MMP16: variants seen among roughly 807,000 people sequenced by gnomAD.
The protein encoded by MMP16 is matrix metalloproteinase-16.
MMP16 carries 12 observed loss-of-function variants against 67.8 expected under a neutral mutation model. That is an observed-to-expected ratio of 0.18 (90% CI 0.11 to 0.29). The LOEUF (loss-of-function observed/expected upper bound fraction) is 0.29. Ranked by LOEUF, MMP16 falls within the 10% of genes least tolerant of loss-of-function variation. MMP16 has a pLI of 1.00. For synonymous variants in MMP16, 249 were observed against 255.9 expected, an observed-to-expected ratio of 0.97 and a Z score of 0.26; for missense variants, 475 against 765.7, an observed-to-expected ratio of 0.62 and a Z score of 4.48.
rs530901791 is a variant in MMP16, at chr8:88,287,544, C to T, written c.132+39531G>A. On this transcript the variant is annotated intron_variant, in intron 1 of 9. Transcript: ENST00000286614. ...CAGGCCCTCGGGTTGATGCAGAAAT[C>T]ATGCCTCTTTTTGTTCATTGTTACA... Among the ~76,000 whole-genome samples the T allele has an allele frequency of 5.3e-5, 8 of 152,304 alleles. No homozygotes were observed. The East Asian group carries it at 1.3e-3, about 26-fold the overall frequency.
intron 4 of MMP16, among the ~76,000 whole-genome samples, chr8:88,120,171 C>G (rs1385734956): frequency 6.6e-6 from 1 of 151,282 alleles, no homozygotes; most frequent in Non-Finnish European, 1.5e-5. Context: ...ACATCATAGT[C>G]ATAGGAGGAA....
chr8:88,180,925 AAAG>A (rs1271211961), intron 3 of MMP16, among the ~76,000 whole-genome samples: 2 of 152,174 alleles, frequency 1.3e-5, no homozygotes, highest in Non-Finnish European at 2.9e-5. Context: ...TCAAAAGGCA[AAAG>A]AAGAAAATTC....
At chr8:88,150,808 C>T (rs1408470836) in intron 4 of MMP16, among the ~76,000 whole-genome samples, 41 of 150,682 alleles carry the variant, frequency 2.7e-4, no homozygotes, top group Admixed American at 2.4e-3. Flanking sequence ...CATCAACTAA[C>T]GAGCAAAATC....
At chr8:88,179,694 T>G (rs1263628743) in intron 3 of MMP16, among the ~76,000 whole-genome samples, 1 of 152,268 alleles carries the variant, frequency 6.6e-6, no homozygotes. Context: ...AAGAATTAAA[T>G]TAGAAACTCT....
At position 88,040,047 on chromosome 8, in the gene MMP16, T is replaced by G. The variant is rs560106042; in HGVS notation, c.*1414A>C. ...TGCAACTTCAGAGTCACCGTTTTAA[T>G]TCATTTTTAAAATGGCAATGCTAAC... On this transcript the variant is annotated 3_prime_UTR_variant, in exon 10 of 10. Transcript: ENST00000286614. 1 of 152,682 alleles carries G rather than the reference T, an allele frequency of 6.5e-6. No homozygotes were observed. The highest frequency in any genetic ancestry group is 1.5e-5 in the Non-Finnish European group (1 of 68,022). The allele number at this position is 152,682 out of a possible 1,614,324, so 9.5% of individuals were successfully genotyped here. A position where few individuals can be genotyped will look rare whatever the true frequency, so the allele number is the denominator to read the frequency against.
At chr8:88,122,544 A>C (rs1289200783) in intron 4 of MMP16, among the ~76,000 whole-genome samples, 1 of 151,990 alleles carries the variant, frequency 6.6e-6, no homozygotes, top group Non-Finnish European at 1.5e-5. Context: ...ATATATAAAT[A>C]CTTAAAATAG....
Position 88,327,150 on chromosome 8 carries a change from C to A in MMP16, c.57G>T (p.Gly19=), listed in dbSNP as rs1463663060. The A allele has an allele frequency of 1.9e-6, 3 of 1,613,964 alleles. No homozygotes were observed. In the African/African-American group the frequency reaches 4.0e-5, roughly 22 times the overall value. ...AAAGCAAGGTTTGCAAGAAAAACAC[C>A]CCCGAATGATGCACGAAATCCAACC... ...GRRLDFVHHS[G]VFFLQTLLWI... Residue 19 remains glycine (G), a synonymous_variant, in exon 1 of 10, where the codon GGG becomes GGT. Transcript: ENST00000286614.
intron 1 of MMP16, among the ~76,000 whole-genome samples, chr8:88,312,329 T>C (rs1360698668): frequency 1.3e-5 from 2 of 152,202 alleles, no homozygotes; most frequent in Non-Finnish European, 2.9e-5. Flanking sequence ...TAGTGTCATA[T>C]AGAAGACTGA....
At chr8:88,097,995 A>G (rs1809059149) in intron 6 of MMP16, among the ~76,000 whole-genome samples, 1 of 151,924 alleles carries the variant, frequency 6.6e-6, no homozygotes, top group African/African-American at 2.4e-5. Context: ...GTCCAACTAG[A>G]GTCAGAGGGA....
At chr8:88,217,338 T>C (rs1450673982) in intron 1 of MMP16, among the ~76,000 whole-genome samples, 2 of 152,156 alleles carry the variant, frequency 1.3e-5, no homozygotes, top group African/African-American at 2.4e-5. Flanking sequence ...TGTTTCTATC[T>C]GCCTGTATAC....
chr8:88,056,051 CCT>C, intron 8 of MMP16, 75 bp downstream of exon 8: 1 of 1,160,070 alleles, frequency 8.6e-7, no homozygotes, highest in East Asian at 2.9e-5. Flanking sequence ...ACAGCTGATG[CCT>C]CTGATAGACT....
intron 3 of MMP16, among the ~76,000 whole-genome samples, chr8:88,170,273 A>C (rs143196110): frequency 1.3e-3 from 191 of 152,256 alleles, no homozygotes; most frequent in Non-Finnish European, 1.4e-3. Context: ...TTGTTTTGTT[A>C]GTTTGTTTTA....
At chr8:88,257,302 A>G (rs1810319061) in intron 1 of MMP16, among the ~76,000 whole-genome samples, 1 of 152,224 alleles carries the variant, frequency 6.6e-6, no homozygotes, top group Admixed American at 6.5e-5. Flanking sequence ...ACATATGGAC[A>G]ATGCACTTTA....
chr8:88,071,307 A>G (rs1290315350), intron 7 of MMP16, among the ~76,000 whole-genome samples: 1 of 152,142 alleles, frequency 6.6e-6, no homozygotes, highest in Non-Finnish European at 1.5e-5. Flanking sequence ...CACATCTTCA[A>G]ATTCTTATGT....
intron 4 of MMP16, among the ~76,000 whole-genome samples, chr8:88,148,487 G>A (rs1808333563): frequency 6.6e-6 from 1 of 152,122 alleles, no homozygotes; most frequent in Admixed American, 6.5e-5. Flanking sequence ...GCTTATGCAG[G>A]GAGCTGTGTA....
In MMP16 at chr8:88,058,150, A is replaced by G. The variant is rs1156348291; in HGVS notation, c.1223-1872T>C. 6.6e-6 allele frequency among the ~76,000 whole-genome samples: 1 copy of G among 152,172 alleles called. No homozygotes were observed. The highest frequency in any genetic ancestry group is 2.4e-5 in the African/African-American group (1 of 41,460). On this transcript the variant is annotated intron_variant, in intron 7 of 9. Transcript: ENST00000286614. This position sits in a 1 kb window ranked among gnomAD's most constrained non-coding sequence, Gnocchi z 4.2. Reference sequence around the variant, plus strand: ...GGGATGATCAACAAATTGAAAGAAGATCAGTAATTTGTAATAAGCAAGTAT... The same window carrying G: ...GGGATGATCAACAAATTGAAAGAAGGTCAGTAATTTGTAATAAGCAAGTAT...
intron 4 of MMP16, among the ~76,000 whole-genome samples, chr8:88,159,280 G>C (rs1389796984): frequency 6.6e-6 from 1 of 152,136 alleles, no homozygotes; most frequent in Non-Finnish European, 1.5e-5. Flanking sequence ...TCACAATATT[G>C]ATTCTTCCTA....
rs184209258 is a variant in MMP16 at position 88,223,393 on chromosome 8, C to T, written c.133-26087G>A. On this transcript the variant is annotated intron_variant, in intron 1 of 9. Transcript: ENST00000286614. Reference sequence around the variant, plus strand: ...ATGCTACTATAAAGACACATGCACACGTATGTTTATTGTGTCACTATTCAC... The same window carrying T: ...ATGCTACTATAAAGACACATGCACATGTATGTTTATTGTGTCACTATTCAC... 7.4e-3 allele frequency among the ~76,000 whole-genome samples: 1,129 copies of T among 152,048 alleles called. 8 individuals are homozygous for T. The highest frequency in any genetic ancestry group is 0.011 in the Non-Finnish European group (768 of 67,968).
In MMP16 at chr8:88,111,444, T is replaced by C. The variant is rs532993595; in HGVS notation, c.1083+5063A>G. Among the ~76,000 whole-genome samples the C allele has an allele frequency of 3.3e-5, 5 of 151,750 alleles. No individual in the cohort carries two copies. The East Asian group carries it at 9.7e-4, about 30-fold the overall frequency. On this transcript the variant is annotated intron_variant, in intron 6 of 9. Transcript: ENST00000286614. ...TTTGGTACTGACAGGGAAAGGCCTG[T>C]AGAGCCACGAGTGTTTGAAATGTTC... is the stretch of plus-strand genomic sequence containing the variant.
Sources: allele counts gnomAD v4.1 joint callset (sites outside exome capture counted in the v4.1 genomes callset), GRCh38; gene constraint gnomAD v4.1.1; non-coding constraint Gnocchi (gnomAD v3.1); transcripts MANE v1.5; gene names NCBI Gene and HGNC (gene_info 2026-07-23, HGNC 2026-07-21).